The following FILIP1 variants were observed in gnomAD, a reference collection of about 807,000 sequenced individuals.
The protein encoded by FILIP1 is filamin A interacting protein 1.
A neutral mutation model predicts 102.1 loss-of-function variants in FILIP1; 61 were observed. That is an observed-to-expected ratio of 0.60 (90% CI 0.49 to 0.74). FILIP1 has a LOEUF of 0.74. FILIP1 is among the 30% of genes least tolerant of loss of function. FILIP1 has a pLI of 0.00. For missense variants in FILIP1, 1,314 were observed against 1,441.2 expected, an observed-to-expected ratio of 0.91 and a Z score of 1.43; for synonymous variants, 491 against 526.9, an observed-to-expected ratio of 0.93 and a Z score of 0.93.
intron 1 of FILIP1, among the ~76,000 whole-genome samples, chr6:75,459,268 A>G (rs890217292): frequency 6.6e-6 from 1 of 152,172 alleles, no homozygotes. Flanking sequence ...ATATTTTCTT[A>G]AATTATGAGT....
chr6:75,340,924 G>A (rs532633774), intron 4 of FILIP1, among the ~76,000 whole-genome samples: 19 of 132,492 alleles, frequency 1.4e-4, no homozygotes, highest in African/African-American at 4.7e-4. Context: ...GGCTGATCTC[G>A]AACTCCTGAC....
Position 75,487,546 on chromosome 6 carries a change from G to A in FILIP1, c.-7+5868C>T, listed in dbSNP as rs1211202880. 2.6e-5 allele frequency among the ~76,000 whole-genome samples: 4 copies of A among 152,090 alleles called. No homozygotes were observed. In the East Asian group the frequency reaches 7.7e-4, roughly 29 times the overall value. On this transcript the variant is annotated intron_variant, in intron 1 of 5. Coordinates refer to ENST00000237172, the MANE Select transcript of FILIP1 (RefSeq NM_015687.5). The stretch of plus-strand genomic sequence containing the variant: ...CATTATTGTGTCATCTATGACTTGT[G>A]TGTGTGTGTGCACGTGCGTGTGTGA...
At chr6:75,352,213 T>C (rs1030046209) in intron 4 of FILIP1, among the ~76,000 whole-genome samples, 2 of 152,234 alleles carry the variant, frequency 1.3e-5, no homozygotes, top group Admixed American at 6.5e-5. Flanking sequence ...AAACTAGATC[T>C]CTTTTTTGTA....
intron 3 of FILIP1, among the ~76,000 whole-genome samples, chr6:75,362,203 G>T (rs73453786): frequency 0.011 from 1,700 of 152,282 alleles, 38 homozygotes; most frequent in African/African-American, 0.039. Flanking sequence ...GATAATAATA[G>T]TCATAGCCCT....
chr6:75,356,554 C>T (rs1192277503), intron 3 of FILIP1, among the ~76,000 whole-genome samples: 1 of 151,832 alleles, frequency 6.6e-6, no homozygotes, highest in Non-Finnish European at 1.5e-5. Flanking sequence ...CTGCAACCTC[C>T]GCCTCCTCGG....
downstream of FILIP1, among the ~76,000 whole-genome samples, chr6:75,306,491 A>C (rs1772990661): frequency 6.6e-6 from 1 of 152,246 alleles, no homozygotes; most frequent in African/African-American, 2.4e-5. Flanking sequence ...ACGTTATGGT[A>C]CAGTAACACT....
intron 2 of FILIP1, among the ~76,000 whole-genome samples, chr6:75,404,905 T>C (rs1218585275): frequency 6.6e-6 from 1 of 152,346 alleles, no homozygotes; most frequent in African/African-American, 2.4e-5. Flanking sequence ...TCCTTGACTC[T>C]GCTTTTTTCT....
chr6:75,317,025 C>A (rs966639694), intron 4 of FILIP1, among the ~76,000 whole-genome samples: 1 of 152,166 alleles, frequency 6.6e-6, no homozygotes, highest in Non-Finnish European at 1.5e-5. Context: ...CATGTTAAAG[C>A]TTCTAAAAAT....
intron 6 of FILIP1, among the ~76,000 whole-genome samples, chr6:75,302,584 G>A (rs570892690): frequency 6.6e-6 from 1 of 152,226 alleles, no homozygotes; most frequent in South Asian, 2.1e-4. Flanking sequence ...AGGAGAAAGG[G>A]CAATACAAGG....
chr6:75,426,521 C>T (rs1777631595), intron 1 of FILIP1, among the ~76,000 whole-genome samples: 5 of 152,060 alleles, frequency 3.3e-5, no homozygotes, highest in South Asian at 4.2e-4. Context: ...GAAGTGGCCA[C>T]GTGCCCAGCA....
chr6:75,465,237 C>A, intron 1 of FILIP1: 1 of 241,470 alleles, frequency 4.1e-6, no homozygotes, highest in South Asian at 5.6e-5. Flanking sequence ...TAACTGCGGT[C>A]TAGAAGATGA....
At chr6:75,456,842 G>A (rs1582536906) in intron 1 of FILIP1, among the ~76,000 whole-genome samples, 1 of 152,108 alleles carries the variant, frequency 6.6e-6, no homozygotes, top group Non-Finnish European at 1.5e-5. Flanking sequence ...ACAGGCGTGA[G>A]ACATCGTATT....
intron 1 of FILIP1, among the ~76,000 whole-genome samples, chr6:75,443,270 CAGGA>C (rs1778333607): frequency 6.6e-6 from 1 of 151,994 alleles, no homozygotes; most frequent in Non-Finnish European, 1.5e-5. Flanking sequence ...AAACAATCAG[CAGGA>C]AGAAAATCAC....
chr6:75,446,707 A>G (rs892115994), intron 1 of FILIP1, among the ~76,000 whole-genome samples: 10 of 152,168 alleles, frequency 6.6e-5, no homozygotes, highest in African/African-American at 2.4e-4. Context: ...AAAGGAGACT[A>G]AACCTTGGTT....
chr6:75,383,057 G>T (rs1379647827), intron 2 of FILIP1, among the ~76,000 whole-genome samples: 1 of 152,132 alleles, frequency 6.6e-6, no homozygotes, highest in Non-Finnish European at 1.5e-5. Flanking sequence ...TCTCCATTCT[G>T]CTGGGTTTCA....
chr6:75,343,201 G>C lies in FILIP1; in HGVS notation c.629+10338C>G, dbSNP rs185061896. Among the ~76,000 whole-genome samples the C allele has an allele frequency of 1.1e-3, 172 of 152,290 alleles. 2 individuals carry two copies. Among genetic ancestry groups the C allele is most frequent in the East Asian group, 0.01 (52 of 5,188 alleles). On this transcript the variant is annotated intron_variant, in intron 4 of 5. Coordinates refer to ENST00000237172, the MANE Select transcript of FILIP1 (RefSeq NM_015687.5). The stretch of plus-strand genomic sequence containing the variant: ...CAGGGAGAAGCCAGCCATCTACAAG[G>C]CAACAGAAGAGGTCTCACCAGAACC...
At chr6:75,319,457 G>A (rs1773565473) in intron 4 of FILIP1, 2 of 607,964 alleles carry the variant, frequency 3.3e-6, no homozygotes, top group Admixed American at 1.9e-5. Context: ...TTCATAATGG[G>A]CCTTGTCCGC....
intron 4 of FILIP1, among the ~76,000 whole-genome samples, chr6:75,329,584 A>C (rs1291535267): frequency 6.6e-6 from 1 of 152,138 alleles, no homozygotes; most frequent in Admixed American, 6.6e-5. Context: ...AAAACTCATA[A>C]GGGCATGATA....
At chr6:75,462,354 G>A (rs1195874718) in intron 1 of FILIP1, among the ~76,000 whole-genome samples, 1 of 152,106 alleles carries the variant, frequency 6.6e-6, no homozygotes, top group African/African-American at 2.4e-5. Context: ...CTTCTGGATT[G>A]TGAGGAGGCC....
Sources: allele counts gnomAD v4.1 joint callset (sites outside exome capture counted in the v4.1 genomes callset), GRCh38; gene constraint gnomAD v4.1.1; transcripts MANE v1.5; gene names NCBI Gene and HGNC (gene_info 2026-07-23, HGNC 2026-07-21).